Variants in ACCSL observed in about 807,000 individuals in gnomAD.
ACCSL encodes the protein 1-aminocyclopropane-1-carboxylate synthase homolog (inactive) like.
A neutral mutation model predicts 61.7 loss-of-function variants in ACCSL; 55 were observed. The observed-to-expected ratio is 0.89, with a 90% CI of 0.72 to 1.12. The LOEUF is 1.12. Among genes scored for constraint, ACCSL ranks in the 50% most tolerant of loss-of-function variants. ACCSL has a pLI of 0.00. For synonymous variants in ACCSL, 258 were observed against 264.3 expected, an observed-to-expected ratio of 0.98 and a Z score of 0.23; for missense variants, 632 against 698.0, an observed-to-expected ratio of 0.91 and a Z score of 1.07.
the ACCSL span, among the ~76,000 whole-genome samples, chr11:43,962,930 A>G: frequency 3.9e-5 from 6 of 152,216 alleles, no homozygotes; most frequent in African/African-American, 1.4e-4. Context: ...TTATCCTGGC[A>G]GGGGAAGATG....
the ACCSL span, chr11:43,925,395 A>C: frequency 4.4e-6 from 2 of 456,072 alleles, no homozygotes; most frequent in East Asian, 7.0e-5. Context: ...CAGCCCTCCA[A>C]GGAGTGGTAT....
At chr11:43,928,596 G>C in the ACCSL span, among the ~76,000 whole-genome samples, 1 of 152,174 alleles carries the variant, frequency 6.6e-6, no homozygotes, top group African/African-American at 2.4e-5. Flanking sequence ...TGCGAGTGGG[G>C]AGCGGAGGAG....
chr11:43,976,030 A>G, the ACCSL span, among the ~76,000 whole-genome samples: 3 of 152,174 alleles, frequency 2.0e-5, no homozygotes, highest in Non-Finnish European at 4.4e-5. Context: ...ATCATTGAAT[A>G]TAGTGTGTAT....
At chr11:44,030,530 A>C in the ACCSL span, among the ~76,000 whole-genome samples, 1 of 150,614 alleles carries the variant, frequency 6.6e-6, no homozygotes, top group Admixed American at 6.7e-5. Context: ...GTCCCTGTGG[A>C]AAACCTCCCC....
At chr11:43,967,923 G>C in the ACCSL span, among the ~76,000 whole-genome samples, 2 of 152,126 alleles carry the variant, frequency 1.3e-5, no homozygotes, top group Non-Finnish European at 2.9e-5. Flanking sequence ...TCACAAAAAG[G>C]CTTCTCCATC....
chr11:44,006,071 C>A, the ACCSL span, among the ~76,000 whole-genome samples: 1 of 152,196 alleles, frequency 6.6e-6, no homozygotes, highest in Admixed American at 6.5e-5. Context: ...AGGGTTCCAG[C>A]CTTACTCTGT....
At chr11:43,927,288 G>A in the ACCSL span, among the ~76,000 whole-genome samples, 21 of 152,300 alleles carry the variant, frequency 1.4e-4, no homozygotes, top group African/African-American at 5.1e-4. Context: ...TGGTGTTGAT[G>A]CTGTTTTTGA....
the ACCSL span, among the ~76,000 whole-genome samples, chr11:43,985,403 C>T: frequency 2.6e-5 from 4 of 152,152 alleles, no homozygotes; most frequent in African/African-American, 9.7e-5. Flanking sequence ...GCTGACGTTC[C>T]CAGAAACCCA....
chr11:44,052,284 C>G (rs937465621), intron 5 of ACCSL, among the ~76,000 whole-genome samples: 4 of 152,244 alleles, frequency 2.6e-5, no homozygotes, highest in South Asian at 2.1e-4. Flanking sequence ...GTCCAAATAA[C>G]TGGAGCCCTC....
the ACCSL span, among the ~76,000 whole-genome samples, chr11:43,952,917 A>C: frequency 1.0e-3 from 159 of 152,328 alleles, no homozygotes; most frequent in African/African-American, 3.8e-3. Context: ...CATATTTGCC[A>C]ACTGAGGAAC....
chr11:43,927,698 A>G, the ACCSL span, among the ~76,000 whole-genome samples: 1 of 152,354 alleles, frequency 6.6e-6, no homozygotes, highest in South Asian at 2.1e-4. Flanking sequence ...CTTTGAATAC[A>G]TAATGGAAAT....
At chr11:44,051,875 A>G (rs985585686) in intron 5 of ACCSL, among the ~76,000 whole-genome samples, 156 bp downstream of exon 5, 18 of 152,114 alleles carry the variant, frequency 1.2e-4, no homozygotes, top group Non-Finnish European at 2.9e-5. Flanking sequence ...TTATCTTCCT[A>G]TTTCTGTGGG....
chr11:43,986,990 G>T, the ACCSL span, among the ~76,000 whole-genome samples: 11 of 152,298 alleles, frequency 7.2e-5, no homozygotes, highest in East Asian at 1.5e-3. Flanking sequence ...ACTCTGGAAA[G>T]TAAGTTCTAG....
At chr11:43,935,418 T>C in the ACCSL span, among the ~76,000 whole-genome samples, 44,372 of 152,162 alleles carry the variant, frequency 0.29, 6,633 homozygotes, top group East Asian at 0.39. Flanking sequence ...TGAGCACCAA[T>C]TTCAGAGGCA....
the ACCSL span, among the ~76,000 whole-genome samples, chr11:43,968,531 G>T: frequency 1.3e-5 from 2 of 152,192 alleles, no homozygotes; most frequent in East Asian, 3.8e-4. Context: ...AGGAAAAGAA[G>T]AAGATATTTG....
chr11:44,039,680 C>G, the ACCSL span, among the ~76,000 whole-genome samples: 1 of 152,250 alleles, frequency 6.6e-6, no homozygotes, highest in Non-Finnish European at 1.5e-5. Flanking sequence ...AATGCACATT[C>G]CTGGGTTCAG....
chr11:43,935,259 CAT>C, the ACCSL span, among the ~76,000 whole-genome samples: 2 of 151,340 alleles, frequency 1.3e-5, no homozygotes, highest in East Asian at 3.8e-4. Flanking sequence ...CACACACACG[CAT>C]ACACACATGT....
At chr11:43,955,234 C>T in the ACCSL span, among the ~76,000 whole-genome samples, 1 of 152,216 alleles carries the variant, frequency 6.6e-6, no homozygotes, top group African/African-American at 2.4e-5. Flanking sequence ...AGCCTCCTTC[C>T]TTTGCAACCA....
the ACCSL span, chr11:43,926,555 A>T: frequency 2.2e-6 from 1 of 451,524 alleles, no homozygotes; most frequent in Non-Finnish European, 4.4e-6. Context: ...GCGGTGAGGG[A>T]TACGTGAAAG....
Sources: allele counts gnomAD v4.1 joint callset (sites outside exome capture counted in the v4.1 genomes callset), GRCh38; gene constraint gnomAD v4.1.1; transcripts MANE v1.5; gene names NCBI Gene and HGNC (gene_info 2026-07-23, HGNC 2026-07-21).